KIF21A: variants seen among roughly 807,000 people sequenced by gnomAD.
The protein encoded by KIF21A is kinesin-like protein KIF21A.
A neutral mutation model predicts 202.9 loss-of-function variants in KIF21A; 114 were observed. The ratio of observed to expected loss-of-function variants is 0.56; its 90% CI spans 0.48 to 0.66. The LOEUF (loss-of-function observed/expected upper bound fraction) is 0.66, where lower values mean the gene tolerates loss of function less well. Among genes scored for constraint, KIF21A ranks in the 30% least tolerant of loss-of-function variants. KIF21A has a pLI of 0.00. For missense variants in KIF21A, 1,677 were observed against 1,994.9 expected (o/e 0.84, Z 3.04); for synonymous variants, 667 against 670.8 (o/e 0.99, Z 0.09).
chr12:39,374,660 TA>T (rs550136502), intron 1 of KIF21A, among the ~76,000 whole-genome samples: 2 of 151,952 alleles, frequency 1.3e-5, no homozygotes, highest in Admixed American at 6.6e-5. Context: ...CTACACTAGG[TA>T]AAAAAAAGAG....
At chr12:39,389,683 G>A (rs1015483) in intron 1 of KIF21A, among the ~76,000 whole-genome samples, 3 of 152,098 alleles carry the variant, frequency 2.0e-5, no homozygotes, top group African/African-American at 7.2e-5. Flanking sequence ...CCAACTGAGA[G>A]AATGACCACC....
chr12:39,394,914 T>A (rs1951622543), intron 1 of KIF21A, among the ~76,000 whole-genome samples: 1 of 152,180 alleles, frequency 6.6e-6, no homozygotes, highest in South Asian at 2.1e-4. Context: ...CCCACACCAA[T>A]CCCTAGCTCC....
chr12:39,364,689 T>A (rs997865736), intron 6 of KIF21A, among the ~76,000 whole-genome samples: 1 of 152,226 alleles, frequency 6.6e-6, no homozygotes, highest in African/African-American at 2.4e-5. Context: ...GAGACAAGTA[T>A]GACAGTGAGG....
intron 28 of KIF21A, among the ~76,000 whole-genome samples, chr12:39,318,445 A>G (rs1327026636): frequency 6.6e-6 from 1 of 152,222 alleles, no homozygotes; most frequent in East Asian, 1.9e-4. Context: ...AGAAGTCAGT[A>G]TAAGAATAAA....
Position 39,339,144 on chromosome 12 carries a change from T to C in KIF21A, c.2310+1021A>G, listed in dbSNP as rs1947231242. Among the ~76,000 whole-genome samples the C allele has an allele frequency of 2.7e-5, 4 of 150,396 alleles. No homozygotes were observed. The Admixed American group carries it at 2.7e-4, about 10-fold the overall frequency. ...AAATACAAAAATTAGCTGGGCATGG[T>C]GGTGTGCACCTATAGTCCCAGCTAC... On this transcript the variant is annotated intron_variant, in intron 16 of 37. Coordinates refer to ENST00000361418, the MANE Select transcript of KIF21A (RefSeq NM_001173464.2).
At chr12:39,352,007 G>A (rs1319365840) in intron 10 of KIF21A, 27 bp from the exon 11 acceptor site, 1 of 1,519,966 alleles carries the variant, frequency 6.6e-7, no homozygotes, top group Non-Finnish European at 9.1e-7. Flanking sequence ...TATTTAAATA[G>A]GGAGCATTTT....
At chr12:39,344,143 A>C (rs79107272) in intron 12 of KIF21A, among the ~76,000 whole-genome samples, 1,664 of 152,262 alleles carry the variant, frequency 0.011, 38 homozygotes, top group African/African-American at 0.036. Context: ...ACCTAGAAAG[A>C]ACTCTTATGA....
intron 17 of KIF21A, among the ~76,000 whole-genome samples, chr12:39,334,983 C>T (rs1358594543): frequency 6.6e-6 from 1 of 151,992 alleles, no homozygotes; most frequent in East Asian, 1.9e-4. Flanking sequence ...ATAAAATAAA[C>T]AGCCAAAAAA....
chr12:39,389,102 T>C (rs536368639), intron 1 of KIF21A, among the ~76,000 whole-genome samples: 1 of 152,062 alleles, frequency 6.6e-6, no homozygotes, highest in Non-Finnish European at 1.5e-5. Flanking sequence ...AAACTTTAAA[T>C]GTAAATGTCT....
chr12:39,351,848 G>A lies in KIF21A; in HGVS notation c.1602C>T (p.Thr534=), dbSNP rs1469382337. 2 of 1,607,350 alleles carry A rather than the reference G, an allele frequency of 1.2e-6. No homozygotes were observed. The highest frequency in any genetic ancestry group is 1.7e-6 in the Non-Finnish European group (2 of 1,174,580). The change falls in exon 11 of 38, where the codon ACC becomes ACT. Residue 534 remains threonine (T), a synonymous_variant. Transcript: ENST00000361418. ...SPTILSSDKE[T]IEIIDLAKKD... ...TTTTTGCTAGGTCTATAATTTCAATGGTTTCTTTGTCTGAGGATAGTATGG... is the reference window on the plus strand; with the variant it reads ...TTTTTGCTAGGTCTATAATTTCAATAGTTTCTTTGTCTGAGGATAGTATGG...
At chr12:39,375,277 A>G (rs756728025) in intron 1 of KIF21A, among the ~76,000 whole-genome samples, 1 of 152,198 alleles carries the variant, frequency 6.6e-6, no homozygotes, top group Non-Finnish European at 1.5e-5. Context: ...CTTTTCAACT[A>G]GAGTTTTAGT....
chr12:39,438,708 A>G (rs1410114549), intron 1 of KIF21A, among the ~76,000 whole-genome samples: 1 of 152,210 alleles, frequency 6.6e-6, no homozygotes, highest in East Asian at 1.9e-4. Context: ...AGAGAATAAC[A>G]TAAAAACACA....
chr12:39,369,478 T>G (rs1355522874), intron 3 of KIF21A, among the ~76,000 whole-genome samples: 1 of 151,122 alleles, frequency 6.6e-6, no homozygotes, highest in Non-Finnish European at 1.5e-5. Context: ...ATGGGGGGGG[T>G]TCTTAAATAA....
intron 1 of KIF21A, among the ~76,000 whole-genome samples, chr12:39,377,302 G>A (rs764132018): frequency 5.3e-5 from 8 of 152,042 alleles, no homozygotes; most frequent in Non-Finnish European, 1.2e-4. Flanking sequence ...ACTTACTGGT[G>A]TTCAATTTCA....
intron 4 of KIF21A, 174 bp from the exon 5 acceptor site, chr12:39,367,338 G>T: frequency 1.5e-6 from 1 of 656,190 alleles, no homozygotes; most frequent in Non-Finnish European, 2.6e-6. Flanking sequence ...CAGTATAATA[G>T]TGTATTATTT....
At chr12:39,361,545 G>A (rs558492666) in intron 7 of KIF21A, among the ~76,000 whole-genome samples, 75 of 133,974 alleles carry the variant, frequency 5.6e-4, no homozygotes, top group African/African-American at 1.4e-3. Context: ...TTTTTGAGAC[G>A]GAGTCTCGCT....
intron 24 of KIF21A, 109 bp downstream of exon 24, chr12:39,330,133 A>T: frequency 9.7e-7 from 1 of 1,035,476 alleles, no homozygotes; most frequent in Non-Finnish European, 1.5e-6. Context: ...TGCAAAAACC[A>T]CTTGACCGCC....
chr12:39,341,220 T>C, intron 14 of KIF21A, 126 bp from the exon 15 acceptor site: 2 of 861,282 alleles, frequency 2.3e-6, no homozygotes, highest in Non-Finnish European at 3.6e-6. Context: ...TTAGAAAAAT[T>C]TCCTGGAAAA....
chr12:39,439,545 T>C (rs1592762612), intron 1 of KIF21A, among the ~76,000 whole-genome samples: 1 of 152,284 alleles, frequency 6.6e-6, no homozygotes, highest in East Asian at 1.9e-4. Flanking sequence ...AAAAAGTAGA[T>C]CCAAGTTGTT....
Sources: allele counts gnomAD v4.1 joint callset (sites outside exome capture counted in the v4.1 genomes callset), GRCh38; gene constraint gnomAD v4.1.1; transcripts MANE v1.5; gene names NCBI Gene and HGNC (gene_info 2026-07-23, HGNC 2026-07-21).